The following RIN3 variants were observed in gnomAD, a reference collection of about 807,000 sequenced individuals.
RIN3 encodes the protein Ras and Rab interactor 3.
Under a neutral mutation model 76.3 loss-of-function variants are expected in RIN3, and 54 were observed. That is an observed-to-expected ratio of 0.71 (90% CI 0.57 to 0.89). The LOEUF is 0.89. Ranked by LOEUF, RIN3 falls within the 40% of genes least tolerant of loss-of-function variation. RIN3 has a pLI of 0.00. For missense variants in RIN3, 1,256 were observed against 1,322.1 expected (o/e 0.95, Z 0.78); for synonymous variants, 576 against 564.0 (o/e 1.02, Z -0.30).
At chr14:92,530,896 G>A (rs1896864911) in intron 1 of RIN3, among the ~76,000 whole-genome samples, 1 of 151,980 alleles carries the variant, frequency 6.6e-6, no homozygotes, top group Admixed American at 6.6e-5. Flanking sequence ...AAGAACCTGG[G>A]AGGCACAGAA....
At chr14:92,669,393 C>T (rs901645553) in intron 7 of RIN3, among the ~76,000 whole-genome samples, 1 of 152,144 alleles carries the variant, frequency 6.6e-6, no homozygotes, top group South Asian at 2.1e-4. Flanking sequence ...TCTGAGTTAA[C>T]GTGTGATATT....
At chr14:92,586,577 C>A (rs1402978768) in intron 3 of RIN3, 4 of 152,134 alleles carry the variant, frequency 2.6e-5, no homozygotes, top group African/African-American at 4.8e-5. Flanking sequence ...GATCTTGAAT[C>A]ATAGTGGTGT....
chr14:92,520,403 G>A (rs1009777546), intron 1 of RIN3, among the ~76,000 whole-genome samples: 1 of 152,194 alleles, frequency 6.6e-6, no homozygotes, highest in Non-Finnish European at 1.5e-5. Context: ...GCCCATCCTC[G>A]AGGGGCTGCC....
At chr14:92,607,873 A>G (rs1885583771) in intron 3 of RIN3, among the ~76,000 whole-genome samples, 1 of 152,244 alleles carries the variant, frequency 6.6e-6, no homozygotes, top group Admixed American at 6.5e-5. Flanking sequence ...TTCACGGAAC[A>G]ACTTGGATGA....
chr14:92,588,699 G>T (rs527641443), intron 3 of RIN3, among the ~76,000 whole-genome samples: 1 of 152,128 alleles, frequency 6.6e-6, no homozygotes, highest in African/African-American at 2.4e-5. Flanking sequence ...GATCATAGCA[G>T]CATGAAAGGA....
intron 3 of RIN3, among the ~76,000 whole-genome samples, chr14:92,608,653 G>A (rs1309386604): frequency 6.6e-6 from 1 of 151,890 alleles, no homozygotes; most frequent in Non-Finnish European, 1.5e-5. Flanking sequence ...TCCTGCATCA[G>A]CCTCTTGAGT....
intron 6 of RIN3, among the ~76,000 whole-genome samples, chr14:92,654,463 T>C (rs917262420): frequency 6.6e-6 from 1 of 152,208 alleles, no homozygotes; most frequent in Admixed American, 6.5e-5. Context: ...CCTAAGCCTC[T>C]CCTTCCCCAC....
chr14:92,544,429 GGT>G (rs1357018439), intron 1 of RIN3, among the ~76,000 whole-genome samples: 7,320 of 40,894 alleles, frequency 0.18, 55 homozygotes, highest in Middle Eastern at 0.25. Flanking sequence ...GGGGGGGGGG[GGT>G]GGGGGCGGGG....
Position 92,676,614 on chromosome 14 carries a change from A to T in RIN3, c.2467+8A>T. On this transcript the variant is annotated splice_region_variant and intron_variant, in intron 8 of 9. Transcript: ENST00000216487. ...CCCTGCAGCTGGGGGAGGGTGAGTC[A>T]CCACCCCCTGCCCATCAGGTGCATT... The T allele has an allele frequency of 1.2e-6, 2 of 1,611,970 alleles. No homozygotes were observed. Among genetic ancestry groups the T allele is most frequent in the African/African-American group, 1.3e-5 (1 of 74,956 alleles).
intron 1 of RIN3, among the ~76,000 whole-genome samples, chr14:92,526,056 G>A (rs993612589): frequency 3.3e-5 from 5 of 152,134 alleles, no homozygotes; most frequent in African/African-American, 1.2e-4. Context: ...GCCTGTCATT[G>A]ACAATCTTCT....
Position 92,676,625 on chromosome 14 carries a change from C to A in RIN3, c.2467+19C>A. 1.2e-6 allele frequency: 2 copies of A among 1,610,700 alleles called. No homozygotes were observed. Among genetic ancestry groups the A allele is most frequent in the East Asian group, 4.5e-5 (2 of 44,756 alleles). ...GGGGAGGGTGAGTCACCACCCCCTG[C>A]CCATCAGGTGCATTGCACACCCCCA... On this transcript the variant is annotated intron_variant, in intron 8 of 9. Coordinates refer to ENST00000216487, the MANE Select transcript of RIN3 (RefSeq NM_024832.5).
chr14:92,590,334 A>T (rs528317821), intron 3 of RIN3, among the ~76,000 whole-genome samples: 4 of 152,160 alleles, frequency 2.6e-5, no homozygotes, highest in Non-Finnish European at 5.9e-5. Context: ...GCAATCCCCA[A>T]TGCTGGAGGT....
At chr14:92,537,186 G>A (rs914088892) in intron 1 of RIN3, among the ~76,000 whole-genome samples, 1 of 152,022 alleles carries the variant, frequency 6.6e-6, no homozygotes, top group African/African-American at 2.4e-5. Context: ...ATACATACTG[G>A]TTTATATGTA....
At chr14:92,615,530 A>G in intron 4 of RIN3, 51 bp downstream of exon 4, 2 of 1,477,952 alleles carry the variant, frequency 1.4e-6, no homozygotes, top group South Asian at 1.1e-5. Flanking sequence ...CAAACATCAC[A>G]TGCAACCCTG....
intron 2 of RIN3, among the ~76,000 whole-genome samples, chr14:92,564,833 C>T (rs548513709): frequency 1.4e-4 from 22 of 152,302 alleles, no homozygotes; most frequent in East Asian, 9.6e-4. Flanking sequence ...CACGCGCGCG[C>T]GCAGGAACAG....
intron 7 of RIN3, among the ~76,000 whole-genome samples, chr14:92,665,296 C>T (rs916971591): frequency 1.1e-4 from 16 of 151,832 alleles, no homozygotes; most frequent in East Asian, 5.8e-4. Flanking sequence ...ATGGAACCAC[C>T]GTCATATACG....
At chr14:92,534,823 C>T (rs932609476) in intron 1 of RIN3, among the ~76,000 whole-genome samples, 1 of 152,068 alleles carries the variant, frequency 6.6e-6, no homozygotes, top group Non-Finnish European at 1.5e-5. Context: ...GCCTGGGTGT[C>T]TATTCTCCCA....
chr14:92,575,129 G>A (rs1898184318), intron 2 of RIN3, among the ~76,000 whole-genome samples: 1 of 152,110 alleles, frequency 6.6e-6, no homozygotes, highest in Admixed American at 6.5e-5. Flanking sequence ...TATTAATATG[G>A]TTATAGTATT....
At chr14:92,653,735 A>G (rs895659746) in intron 6 of RIN3, among the ~76,000 whole-genome samples, 3 of 152,214 alleles carry the variant, frequency 2.0e-5, no homozygotes, top group Admixed American at 6.5e-5. Flanking sequence ...AAAAATATTC[A>G]GGCCAGGCGC....
Sources: gnomAD v4.1 joint callset for allele counts (sites outside exome capture counted in the v4.1 genomes callset) on GRCh38, gnomAD v4.1.1 for gene constraint, MANE v1.5 for transcripts, NCBI Gene and HGNC (gene_info 2026-07-23, HGNC 2026-07-21) for gene names.